The following ZMIZ1 variants were observed in gnomAD, a reference collection of about 807,000 sequenced individuals.
ZMIZ1 encodes zinc finger MIZ-type containing 1.
ZMIZ1 carries 17 observed loss-of-function variants against 113.9 expected under a neutral mutation model. The observed-to-expected ratio is 0.15, with a 90% CI of 0.10 to 0.22. The LOEUF (loss-of-function observed/expected upper bound fraction) is 0.22. Among genes scored for constraint, ZMIZ1 ranks in the 10% least tolerant of loss-of-function variants. The pLI, the probability that ZMIZ1 is intolerant of heterozygous loss-of-function variation, is 1.00. For synonymous variants in ZMIZ1, 607 were observed against 603.1 expected (o/e 1.01, Z -0.09); for missense variants, 1,059 against 1,477.8 (o/e 0.72, Z 4.65).
chr10:79,284,581 A>G (rs565548822), intron 8 of ZMIZ1, among the ~76,000 whole-genome samples: 14 of 152,342 alleles, frequency 9.2e-5, no homozygotes, highest in Admixed American at 2.0e-4. Flanking sequence ...GAAAGGTGTA[A>G]GTACAGTTGA....
At chr10:79,096,952 T>C (rs1449676554) in intron 1 of ZMIZ1, among the ~76,000 whole-genome samples, 1 of 151,712 alleles carries the variant, frequency 6.6e-6, no homozygotes, top group Admixed American at 6.6e-5. Context: ...CGTGAGATGA[T>C]GGGGTGGGAA....
At chr10:79,173,507 G>A (rs972694498) in intron 4 of ZMIZ1, among the ~76,000 whole-genome samples, 2 of 152,104 alleles carry the variant, frequency 1.3e-5, no homozygotes, top group Non-Finnish European at 2.9e-5. Flanking sequence ...ACAGTGGGGC[G>A]GGGAGCAGGG....
intron 5 of ZMIZ1, among the ~76,000 whole-genome samples, chr10:79,207,664 C>T (rs997841801): frequency 1.3e-5 from 2 of 152,204 alleles, no homozygotes; most frequent in South Asian, 2.1e-4. Flanking sequence ...AGCCTCTGAG[C>T]GGACCCAGGC....
intron 3 of ZMIZ1, among the ~76,000 whole-genome samples, chr10:79,147,953 C>T (rs1296067745): frequency 4.6e-5 from 7 of 152,242 alleles, no homozygotes; most frequent in Non-Finnish European, 8.8e-5. Flanking sequence ...GAAGTGGCAG[C>T]TGCAGAGTGG....
intron 4 of ZMIZ1, among the ~76,000 whole-genome samples, chr10:79,197,123 A>T (rs1244007462): frequency 6.6e-6 from 1 of 152,252 alleles, no homozygotes; most frequent in Non-Finnish European, 1.5e-5. Context: ...CCTGCCGGGC[A>T]TGAGGTTTCT....
At chr10:79,143,601 T>C (rs1025350288) in intron 3 of ZMIZ1, among the ~76,000 whole-genome samples, 4 of 152,160 alleles carry the variant, frequency 2.6e-5, no homozygotes, top group African/African-American at 4.8e-5. Context: ...GTTTCTGCGC[T>C]GAGAACTGGC....
chr10:79,249,363 C>G (rs909043892), intron 7 of ZMIZ1, among the ~76,000 whole-genome samples: 12 of 152,224 alleles, frequency 7.9e-5, no homozygotes, highest in African/African-American at 2.7e-4. Context: ...ACAGGCGGTT[C>G]GTGACTTGCA....
At chr10:79,210,963 C>G (rs1160580459) in intron 6 of ZMIZ1, among the ~76,000 whole-genome samples, 1 of 152,166 alleles carries the variant, frequency 6.6e-6, no homozygotes, top group Non-Finnish European at 1.5e-5. Context: ...AGTGCCCACT[C>G]TCCTGGGCCT....
At chr10:79,215,042 G>T (rs1264739394) in intron 6 of ZMIZ1, among the ~76,000 whole-genome samples, 2 of 142,670 alleles carry the variant, frequency 1.4e-5, no homozygotes, top group East Asian at 4.0e-4. Flanking sequence ...CTACTTCTGA[G>T]ATTTTAAGGA....
intron 2 of ZMIZ1, among the ~76,000 whole-genome samples, chr10:79,134,692 A>C (rs756652728): frequency 2.0e-5 from 3 of 152,190 alleles, no homozygotes; most frequent in Non-Finnish European, 4.4e-5. Context: ...TCAAATTTTA[A>C]CACTATGTAT....
chr10:79,099,978 T>C (rs562105605), intron 1 of ZMIZ1, among the ~76,000 whole-genome samples: 1 of 152,182 alleles, frequency 6.6e-6, no homozygotes, highest in South Asian at 2.1e-4. Flanking sequence ...ATGTCACTTA[T>C]CACCACAGTG....
chr10:79,306,695 C>G (rs1854723445), intron 22 of ZMIZ1, among the ~76,000 whole-genome samples: 1 of 152,202 alleles, frequency 6.6e-6, no homozygotes. Context: ...CCTAGAGCCT[C>G]AGCCTTTGGC....
At chr10:79,293,831 A>G (rs763494214) in intron 12 of ZMIZ1, 178 bp downstream of exon 12, 38 of 933,376 alleles carry the variant, frequency 4.1e-5, no homozygotes, top group Non-Finnish European at 6.1e-5. Flanking sequence ...CTGTTTCCCA[A>G]CTGAAAGACC....
Position 79,069,845 on chromosome 10 carries a change from T to C in ZMIZ1, c.-337+575T>C, listed in dbSNP as rs1174071662. Reference sequence around the variant, plus strand: ...TGGGGGCGCGGTTAAGTTGTTTGTGTGGGAATTGCCCGGGGAAAGCTGGCG... The same window carrying C: ...TGGGGGCGCGGTTAAGTTGTTTGTGCGGGAATTGCCCGGGGAAAGCTGGCG... On this transcript the variant is annotated intron_variant, in intron 1 of 24. Coordinates refer to ENST00000334512, the MANE Select transcript of ZMIZ1 (RefSeq NM_020338.4). The surrounding 1 kb of genome is among the most constrained non-coding windows in gnomAD (Gnocchi z 4.6). Among the ~76,000 whole-genome samples the C allele has an allele frequency of 6.7e-6, 1 of 149,914 alleles. No homozygotes were observed. Among genetic ancestry groups the C allele is most frequent in the Non-Finnish European group, 1.5e-5 (1 of 67,226 alleles).
intron 4 of ZMIZ1, among the ~76,000 whole-genome samples, chr10:79,199,642 TAGTG>T (rs1415253121): frequency 6.6e-6 from 1 of 152,232 alleles, no homozygotes; most frequent in African/African-American, 2.4e-5. Flanking sequence ...TGGCAAGAAA[TAGTG>T]TGTGTAGATA....
chr10:79,197,775 A>G (rs1743170408), intron 4 of ZMIZ1, among the ~76,000 whole-genome samples: 1 of 152,038 alleles, frequency 6.6e-6, no homozygotes, highest in African/African-American at 2.4e-5. Flanking sequence ...TAAAATGGGG[A>G]TGTAACTACA....
At chr10:79,100,153 T>G (rs1335816112) in intron 1 of ZMIZ1, among the ~76,000 whole-genome samples, 1 of 151,900 alleles carries the variant, frequency 6.6e-6, no homozygotes, top group African/African-American at 2.4e-5. Flanking sequence ...ACCTGTAGCA[T>G]GAGGGGCTGG....
intron 2 of ZMIZ1, among the ~76,000 whole-genome samples, chr10:79,124,788 C>T (rs902213660): frequency 6.6e-6 from 1 of 152,152 alleles, no homozygotes; most frequent in East Asian, 1.9e-4. Context: ...AACTGGGTGG[C>T]ATGGGTCAGG....
chr10:79,134,834 G>GT lies in ZMIZ1; in HGVS notation c.-226-4837dup, dbSNP rs1157928266. ...TTAAAGTGATATAAATAATTAAATA[G>GT]TTTTTTTTTTTGAGATGGAGTTTCG... On this transcript the variant is annotated intron_variant, in intron 2 of 24. Transcript: ENST00000334512. Among the ~76,000 whole-genome samples the GT allele has an allele frequency of 5.2e-3, 776 of 148,314 alleles. 4 individuals are homozygous for GT. The highest frequency in any genetic ancestry group is 0.017 in the Middle Eastern group (5 of 288).
Sources: gnomAD v4.1 joint callset for allele counts (sites outside exome capture counted in the v4.1 genomes callset) on GRCh38, gnomAD v4.1.1 for gene constraint, Gnocchi (gnomAD v3.1) non-coding constraint, MANE v1.5 for transcripts, NCBI Gene and HGNC (gene_info 2026-07-23, HGNC 2026-07-21) for gene names.